UNC5D: variants seen among roughly 807,000 people sequenced by gnomAD.
UNC5D encodes the protein netrin receptor UNC5D.
In UNC5D, 39 loss-of-function variants were observed where a neutral mutation model predicts 105.4. That is an observed-to-expected ratio of 0.37 (90% CI 0.29 to 0.48). The LOEUF (loss-of-function observed/expected upper bound fraction) is 0.48. UNC5D is among the 20% of genes least tolerant of loss of function. The pLI is 0.98. For synonymous variants in UNC5D, 452 were observed against 450.4 expected (o/e 1.00, Z -0.04); for missense variants, 991 against 1,202.4 (o/e 0.82, Z 2.60).
At chr8:35,768,665 T>C (rs1445995986) in intron 15 of UNC5D, among the ~76,000 whole-genome samples, 1 of 152,214 alleles carries the variant, frequency 6.6e-6, no homozygotes, top group Non-Finnish European at 1.5e-5. Flanking sequence ...AGGAATGTGA[T>C]AGGTATTTTT....
At chr8:35,378,834 T>A (rs1032899009) in intron 1 of UNC5D, among the ~76,000 whole-genome samples, 10 of 152,116 alleles carry the variant, frequency 6.6e-5, no homozygotes, top group Non-Finnish European at 1.3e-4. Context: ...ACAGGTGTGG[T>A]CTAGAATGGG....
chr8:35,503,809 G>A (rs1468329520), intron 1 of UNC5D, among the ~76,000 whole-genome samples: 3 of 152,124 alleles, frequency 2.0e-5, no homozygotes, highest in African/African-American at 7.2e-5. Flanking sequence ...GCCTCCCTGT[G>A]TCTGGTGCTG....
intron 1 of UNC5D, among the ~76,000 whole-genome samples, chr8:35,286,120 C>T (rs1184866454): frequency 6.6e-6 from 1 of 152,178 alleles, no homozygotes; most frequent in East Asian, 1.9e-4. Context: ...TGTTAAAAGA[C>T]ATTATCATCA....
intron 1 of UNC5D, among the ~76,000 whole-genome samples, chr8:35,416,628 G>A (rs1431582095): frequency 6.6e-6 from 1 of 152,056 alleles, no homozygotes; most frequent in Non-Finnish European, 1.5e-5. Context: ...GTTTTAACAA[G>A]TGTTTGACTT....
intron 13 of UNC5D, among the ~76,000 whole-genome samples, chr8:35,754,033 A>G (rs1031496064): frequency 3.9e-5 from 6 of 152,220 alleles, no homozygotes; most frequent in Admixed American, 3.3e-4. Context: ...TGATAGCTTC[A>G]TATGTGATAT....
At chr8:35,686,522 G>T (rs768758956) in intron 6 of UNC5D, 23 bp from the exon 7 acceptor site, 1 of 1,541,110 alleles carries the variant, frequency 6.5e-7, no homozygotes, top group South Asian at 1.2e-5. Context: ...TCTAACAATG[G>T]TTTCTTTTGT....
intron 1 of UNC5D, among the ~76,000 whole-genome samples, chr8:35,419,174 A>C (rs1470230042): frequency 1.3e-5 from 2 of 152,214 alleles, no homozygotes; most frequent in East Asian, 3.9e-4. Context: ...CCTTCCAGTA[A>C]GTATGATGCC....
chr8:35,512,569 A>ATATATATCTATCTC (rs539399345), intron 1 of UNC5D, among the ~76,000 whole-genome samples: 6 of 64,822 alleles, frequency 9.3e-5, no homozygotes, highest in Admixed American at 4.1e-4. Context: ...ATATATATAT[A>ATATATATCTATCTC]TCTGAATAGA....
At chr8:35,569,050 TAAA>T (rs34277362) in intron 3 of UNC5D, among the ~76,000 whole-genome samples, 94 of 118,824 alleles carry the variant, frequency 7.9e-4, no homozygotes, top group African/African-American at 1.8e-3. Context: ...CAAGTAGGAC[TAAA>T]AAAAAAAAAA....
intron 4 of UNC5D, among the ~76,000 whole-genome samples, chr8:35,672,130 G>T (rs1386358342): frequency 6.6e-6 from 1 of 152,072 alleles, no homozygotes. Context: ...ATCATTAATT[G>T]TATGTAACTC....
At chr8:35,723,884 G>C (rs568569021) in intron 9 of UNC5D, among the ~76,000 whole-genome samples, 8 of 152,140 alleles carry the variant, frequency 5.3e-5, no homozygotes, top group Admixed American at 5.2e-4. Flanking sequence ...CTATCAATTA[G>C]TCTGTTATCC....
intron 15 of UNC5D, among the ~76,000 whole-genome samples, chr8:35,772,691 C>T (rs1427014689): frequency 2.0e-5 from 3 of 152,140 alleles, no homozygotes; most frequent in Admixed American, 6.5e-5. Context: ...TCTTTTGCTA[C>T]ATAACAAACT....
At chr8:35,604,320 T>C (rs1372494070) in intron 4 of UNC5D, among the ~76,000 whole-genome samples, 4 of 152,214 alleles carry the variant, frequency 2.6e-5, no homozygotes, top group African/African-American at 2.4e-5. Context: ...TTTGGCTGGA[T>C]ATGAAATTCT....
At chr8:35,561,790 T>A (rs2589760) in intron 2 of UNC5D, among the ~76,000 whole-genome samples, 70,063 of 152,040 alleles carry the variant, frequency 0.46, 20,304 homozygotes, top group African/African-American at 0.82. Flanking sequence ...TTTGGGGCAC[T>A]TGTGATATTT....
chr8:35,411,076 G>T (rs1805132474), intron 1 of UNC5D, among the ~76,000 whole-genome samples: 1 of 151,886 alleles, frequency 6.6e-6, no homozygotes, highest in Non-Finnish European at 1.5e-5. Context: ...GGAAAATATT[G>T]GTAGACCTGG....
chr8:35,661,525 G>T (rs538391692), intron 4 of UNC5D, among the ~76,000 whole-genome samples: 2 of 152,248 alleles, frequency 1.3e-5, no homozygotes, highest in South Asian at 2.1e-4. Flanking sequence ...GCAATGATTC[G>T]CTTTTCTTCC....
chr8:35,444,000 A>G (rs1333865785), intron 1 of UNC5D, among the ~76,000 whole-genome samples: 1 of 152,042 alleles, frequency 6.6e-6, no homozygotes, highest in Non-Finnish European at 1.5e-5. Flanking sequence ...CTTTAAACAC[A>G]TACTTTTGTT....
intron 1 of UNC5D, among the ~76,000 whole-genome samples, chr8:35,517,585 C>T (rs1813182934): frequency 6.6e-6 from 1 of 152,248 alleles, no homozygotes; most frequent in South Asian, 2.1e-4. Flanking sequence ...CATGAGCTTG[C>T]AGAGCAGTTG....
chr8:35,360,083 A>G (rs952957637), intron 1 of UNC5D, among the ~76,000 whole-genome samples: 1 of 152,118 alleles, frequency 6.6e-6, no homozygotes, highest in Non-Finnish European at 1.5e-5. Context: ...TGCAAACTCA[A>G]ATAATAATGC....
Sources: gnomAD v4.1 joint callset for allele counts (sites outside exome capture counted in the v4.1 genomes callset) on GRCh38, gnomAD v4.1.1 for gene constraint, MANE v1.5 for transcripts, NCBI Gene and HGNC (gene_info 2026-07-23, HGNC 2026-07-21) for gene names.